The following NCOR2 variants were observed in gnomAD, a reference collection of about 807,000 sequenced individuals.
NCOR2 encodes the protein nuclear receptor corepressor 2.
Under a neutral mutation model 262.9 loss-of-function variants are expected in NCOR2, and 81 were observed. The ratio of observed to expected loss-of-function variants is 0.31; its 90% CI spans 0.26 to 0.37. The LOEUF (loss-of-function observed/expected upper bound fraction) is 0.37. NCOR2 is among the 10% of genes least tolerant of loss of function. The probability of loss-of-function intolerance (pLI) is 1.00; values close to 1 mark genes in which losing one functional copy is unlikely to be tolerated. For synonymous variants in NCOR2, 1,659 were observed against 1,559.3 expected, an observed-to-expected ratio of 1.06 and a Z score of -1.51; for missense variants, 3,385 against 3,621.4, an observed-to-expected ratio of 0.93 and a Z score of 1.68.
chr12:124,377,237 A>G (rs530393769), intron 18 of NCOR2, among the ~76,000 whole-genome samples: 17 of 152,244 alleles, frequency 1.1e-4, no homozygotes, highest in African/African-American at 3.8e-4. Context: ...CATGCACACG[A>G]TGGCTTTACG....
chr12:124,335,541 C>G (rs1182761442), exon 39 of NCOR2: 1 of 1,609,410 alleles, frequency 6.2e-7, no homozygotes, highest in Non-Finnish European at 8.5e-7. Flanking sequence ...CTTCCAGGTG[C>G]TTGGGGAGCC....
In NCOR2 at chr12:124,406,529, G is replaced by A. The variant is rs569723830; in HGVS notation, c.1483-3968C>T. 7.2e-5 allele frequency among the ~76,000 whole-genome samples: 11 copies of A among 152,332 alleles called. No homozygotes were observed. In the East Asian group the frequency reaches 1.3e-3, roughly 19 times the overall value. On this transcript the variant is annotated intron_variant, in intron 13 of 46. Coordinates refer to ENST00000405201, the Ensembl canonical transcript of NCOR2. ...CGCCTGTGGGCACCATTCCCTCAAC[G>A]TGAGGGGACTGAAAGGAGAATCAGA... is the stretch of plus-strand genomic sequence containing the variant.
At chr12:124,461,894 T>C (rs909859176) in intron 5 of NCOR2, among the ~76,000 whole-genome samples, 1 of 152,168 alleles carries the variant, frequency 6.6e-6, no homozygotes, top group Non-Finnish European at 1.5e-5. Context: ...TGTGTATGCA[T>C]GGATGTGTAA....
chr12:124,489,770 C>A (rs1016320012), intron 1 of NCOR2, among the ~76,000 whole-genome samples: 1 of 152,156 alleles, frequency 6.6e-6, no homozygotes, highest in African/African-American at 2.4e-5. Flanking sequence ...CCAGCTGGTG[C>A]CTTCTTGGCT....
chr12:124,334,385 C>T (rs1593096436), intron 41 of NCOR2, 39 bp downstream of exon 43: 2 of 1,457,928 alleles, frequency 1.4e-6, no homozygotes, highest in Non-Finnish European at 9.3e-7. Context: ...AGGCCTCCCG[C>T]CGGCTGACCA....
intron 2 of NCOR2, among the ~76,000 whole-genome samples, chr12:124,484,717 T>G (rs1182008175): frequency 6.6e-6 from 1 of 152,128 alleles, no homozygotes; most frequent in East Asian, 1.9e-4. Context: ...GGCGCCTCCT[T>G]GTCCCAGGCC....
At chr12:124,552,338 G>A (rs2051739240) in intron 1 of NCOR2, among the ~76,000 whole-genome samples, 1 of 151,902 alleles carries the variant, frequency 6.6e-6, no homozygotes, top group Non-Finnish European at 1.5e-5. Flanking sequence ...AACCACTAAA[G>A]AAGAGAAAAG....
chr12:124,544,757 G>A (rs2051487293), intron 1 of NCOR2, among the ~76,000 whole-genome samples: 1 of 152,210 alleles, frequency 6.6e-6, no homozygotes, highest in East Asian at 1.9e-4. Flanking sequence ...AGGCACAAGT[G>A]GGGCTGACAT....
chr12:124,492,590 AACC>A (rs913743577), intron 1 of NCOR2, among the ~76,000 whole-genome samples: 14 of 152,150 alleles, frequency 9.2e-5, no homozygotes, highest in Admixed American at 6.5e-4. Flanking sequence ...CTGTACGAGG[AACC>A]AGGACAGCCA....
At chr12:124,515,586 CATGT>C (rs983518190) in intron 1 of NCOR2, among the ~76,000 whole-genome samples, 11 of 151,688 alleles carry the variant, frequency 7.3e-5, no homozygotes, top group African/African-American at 2.7e-4. Context: ...TGCATGTGCG[CATGT>C]ATCTGTGTGG....
chr12:124,338,070 G>A (rs2036042834), intron 37 of NCOR2, among the ~76,000 whole-genome samples: 1 of 152,232 alleles, frequency 6.6e-6, no homozygotes, highest in South Asian at 2.1e-4. Context: ...TGACAAAGTC[G>A]CCACTGCTTT....
chr12:124,536,515 C>T (rs1384610582), upstream of NCOR2, among the ~76,000 whole-genome samples: 1 of 152,100 alleles, frequency 6.6e-6, no homozygotes, highest in East Asian at 1.9e-4. Flanking sequence ...ACAACATAGA[C>T]GCTTCACCAA....
intron 4 of NCOR2, among the ~76,000 whole-genome samples, chr12:124,467,736 TCACCCCATCAC>T (rs2046535885): frequency 8.0e-6 from 1 of 124,618 alleles, no homozygotes; most frequent in Admixed American, 7.8e-5. Context: ...CTCATCCTCA[TCACCCCATCAC>T]CCTCATCTTC....
intron 1 of NCOR2, among the ~76,000 whole-genome samples, chr12:124,528,976 T>C (rs915294964): frequency 6.6e-6 from 1 of 152,136 alleles, no homozygotes; most frequent in Non-Finnish European, 1.5e-5. Context: ...GGTCGGGAAT[T>C]CGAGACCAGC....
At chr12:124,339,911 C>CAAAAACA in intron 37 of NCOR2, 95 bp downstream of exon 39, 1 of 1,090,168 alleles carries the variant, frequency 9.2e-7, no homozygotes, top group Non-Finnish European at 1.3e-6. Flanking sequence ...ACCCACCTCC[C>CAAAAACA]ATATACCTCC....
intron 1 of NCOR2, among the ~76,000 whole-genome samples, chr12:124,524,985 A>G (rs574780126): frequency 3.4e-4 from 52 of 152,352 alleles, no homozygotes; most frequent in Non-Finnish European, 6.9e-4. Context: ...GTAAATTAAA[A>G]CCATGTAAAT....
At chr12:124,487,875 A>C (rs1236101273) in intron 1 of NCOR2, among the ~76,000 whole-genome samples, 1 of 17,326 alleles carries the variant, frequency 5.8e-5, no homozygotes, top group African/African-American at 1.3e-4. Flanking sequence ...ACTGTGTTTA[A>C]AAAAAAAAAA....
At chr12:124,552,751 T>C (rs1442644167) in intron 1 of NCOR2, among the ~76,000 whole-genome samples, 1 of 152,208 alleles carries the variant, frequency 6.6e-6, no homozygotes. Flanking sequence ...TGCAGTGGCA[T>C]GATCACAGCT....
intron 1 of NCOR2, among the ~76,000 whole-genome samples, chr12:124,564,802 G>C (rs546988123): frequency 2.9e-4 from 44 of 152,124 alleles, no homozygotes; most frequent in African/African-American, 1.1e-3. Context: ...AGGGGGAAAC[G>C]GGGCCAGGCA....
Sources: gnomAD v4.1 joint callset for allele counts (sites outside exome capture counted in the v4.1 genomes callset) on GRCh38, gnomAD v4.1.1 for gene constraint, MANE v1.5 for transcripts, NCBI Gene and HGNC (gene_info 2026-07-23, HGNC 2026-07-21) for gene names.